Variants in CHST13 observed in about 807,000 individuals in gnomAD.
CHST13 encodes carbohydrate sulfotransferase 13.
CHST13 carries 1 observed loss-of-function variant against 7.0 expected under a neutral mutation model. The observed-to-expected ratio is 0.14, with a 90% CI of 0.05 to 0.68. The LOEUF is 0.68. Ranked by LOEUF, CHST13 falls within the 30% of genes least tolerant of loss-of-function variation. The probability of loss-of-function intolerance (pLI) is 0.82; values close to 1 mark genes in which losing one functional copy is unlikely to be tolerated. For missense variants in CHST13, 572 were observed against 507.9 expected, an observed-to-expected ratio of 1.13 and a Z score of -1.21; for synonymous variants, 257 against 240.9, an observed-to-expected ratio of 1.07 and a Z score of -0.62.
Position 126,541,867 on chromosome 3 carries a change from T to G in CHST13, c.315T>G (p.His105Gln), listed in dbSNP as rs780594261. 4 of 1,595,596 alleles carry G rather than the reference T, an allele frequency of 2.5e-6. No homozygotes were observed. Among genetic ancestry groups the G allele is most frequent in the Non-Finnish European group, 3.4e-6 (4 of 1,171,736 alleles). Reference sequence around the variant, plus strand: ...GGCACGTGCTGGTGGACGACGCGCATGGCCTGCTCTACTGCTACGTGCCCA... The same window carrying G: ...GGCACGTGCTGGTGGACGACGCGCAGGGCCTGCTCTACTGCTACGTGCCCA... ...DLRHVLVDDA[H>Q]GLLYCYVPKV... The change falls in exon 3 of 3, where the codon CAT becomes CAG. Residue 105 changes from histidine to glutamine, a missense_variant. By Grantham distance (24) the His-to-Gln change is conservative. Coordinates refer to ENST00000319340, the MANE Select transcript of CHST13 (RefSeq NM_152889.3).
chr3:126,542,490 C>G lies in CHST13; in HGVS notation c.938C>G (p.Pro313Arg). Residue 313 changes from proline (P) to arginine (R), a missense_variant, in exon 3 of 3, where the codon CCC becomes CGC. Physicochemically the swap from Pro to Arg is moderately radical, Grantham distance 103 (BLOSUM62 -2). Transcript: ENST00000319340. ...GCGCGCCTCTTCCGGGACATCAGCC[C>G]CTTCTACCAGCGGCGCCTCTTCGAC... ...LAARLFRDISPFYQRRLFDLY... is the reference protein window; with the variant it reads ...LAARLFRDISRFYQRRLFDLY... The G allele has an allele frequency of 1.3e-6, 2 of 1,582,846 alleles. No individual in the cohort carries two copies. The highest frequency in any genetic ancestry group is 1.7e-6 in the Non-Finnish European group (2 of 1,168,284).
chr3:126,541,224 G>A (rs2107573189), intron 2 of CHST13, among the ~76,000 whole-genome samples: 1 of 152,302 alleles, frequency 6.6e-6, no homozygotes, highest in African/African-American at 2.4e-5. Context: ...AGAATTTGCT[G>A]GGGGAATAAA....
chr3:126,528,643 AG>A (rs372699200), intron 1 of CHST13, among the ~76,000 whole-genome samples: 28 of 152,184 alleles, frequency 1.8e-4, no homozygotes, highest in East Asian at 1.4e-3. Context: ...GGAAGGTGGA[AG>A]TGGGGTCCGG....
rs1001936454 is a variant in CHST13 at position 126,542,634 on chromosome 3, G to A, written c.*56G>A. 3.3e-5 allele frequency: 47 copies of A among 1,413,348 alleles called. No individual in the cohort carries two copies. The highest frequency in any genetic ancestry group is 1.8e-4 in the East Asian group (6 of 34,134). The allele number at this position is 1,413,348 out of a possible 1,614,324, so 87.6% of individuals were successfully genotyped here. A position where few individuals can be genotyped will look rare whatever the true frequency, so the allele number is the denominator to read the frequency against. On this transcript the variant is annotated 3_prime_UTR_variant, in exon 3 of 3. Transcript: ENST00000319340. The stretch of plus-strand genomic sequence containing the variant: ...CAAGTGCCTTTCCGACAAGACCCCC[G>A]GGGAATGCAGGTGCTGCCGGCCCCA...
rs570611389 is a variant in CHST13, at chr3:126,534,989, C to T, written c.98-1282C>T. Among the ~76,000 whole-genome samples, 7 of 148,862 alleles carry T rather than the reference C, an allele frequency of 4.7e-5. No homozygotes were observed. The South Asian group carries it at 1.5e-3, about 32-fold the overall frequency. ...GACAGACCAGCATCCCTGTCCCCAG[C>T]CGGGAGACAGACAGACAGCATCCCT... On this transcript the variant is annotated intron_variant, in intron 1 of 2. Coordinates refer to ENST00000319340, the MANE Select transcript of CHST13 (RefSeq NM_152889.3).
At chr3:126,540,938 A>G (rs765448260) in intron 2 of CHST13, among the ~76,000 whole-genome samples, 3 of 152,202 alleles carry the variant, frequency 2.0e-5, no homozygotes. Flanking sequence ...ACTTTCTTTT[A>G]TGAACTCTTA....
At chr3:126,529,403 A>G in intron 1 of CHST13, 1 of 1,288,818 alleles carries the variant, frequency 7.8e-7, no homozygotes, top group Non-Finnish European at 1.0e-6. Context: ...GACAGGTGTC[A>G]GGACAAGGGG....
intron 1 of CHST13, among the ~76,000 whole-genome samples, chr3:126,528,499 T>C (rs1242606230): frequency 2.6e-5 from 4 of 151,388 alleles, no homozygotes; most frequent in Non-Finnish European, 1.5e-5. Flanking sequence ...CTGCAAGGAG[T>C]GAGAAGCCCT....
At chr3:126,525,633 G>A (rs555464478) in intron 1 of CHST13, among the ~76,000 whole-genome samples, 2 of 152,258 alleles carry the variant, frequency 1.3e-5, no homozygotes, top group East Asian at 3.9e-4. Context: ...TCTGTCCACC[G>A]AGTCATTCAG....
intron 1 of CHST13, among the ~76,000 whole-genome samples, chr3:126,525,785 C>T (rs1936526229): frequency 6.6e-6 from 1 of 152,168 alleles, no homozygotes; most frequent in Non-Finnish European, 1.5e-5. Flanking sequence ...CTTTGAGTGA[C>T]TGCATGGAGT....
chr3:126,541,349 GA>G (rs1936952891), intron 2 of CHST13, among the ~76,000 whole-genome samples: 1 of 152,190 alleles, frequency 6.6e-6, no homozygotes, highest in African/African-American at 2.4e-5. Context: ...ATTGGGTGTG[GA>G]ATTAAACAGC....
At chr3:126,537,251 G>A (rs1019543825) in intron 2 of CHST13, among the ~76,000 whole-genome samples, 3 of 152,248 alleles carry the variant, frequency 2.0e-5, no homozygotes, top group Admixed American at 6.5e-5. Context: ...AGGGCCAAGC[G>A]CCACAGGCAG....
intron 2 of CHST13, among the ~76,000 whole-genome samples, chr3:126,538,513 A>C (rs1873399): frequency 0.12 from 18,086 of 152,324 alleles, 1,776 homozygotes; most frequent in African/African-American, 0.27. Flanking sequence ...AGCTGAAGAT[A>C]TGGCTCCCTG....
intron 1 of CHST13, among the ~76,000 whole-genome samples, chr3:126,532,943 G>A (rs1163731527): frequency 2.0e-5 from 3 of 152,116 alleles, no homozygotes; most frequent in East Asian, 1.9e-4. Flanking sequence ...TTCTTTCAAC[G>A]ATGTCTCATG....
chr3:126,540,548 G>T (rs72982025), intron 2 of CHST13, among the ~76,000 whole-genome samples: 18,068 of 152,228 alleles, frequency 0.12, 1,773 homozygotes, highest in African/African-American at 0.27. Context: ...AGCCCATGTG[G>T]CAGCATGTGT....
Position 126,524,404 on chromosome 3 carries a change from C to T in CHST13, c.72C>T (p.Cys24=). The change falls in exon 1 of 3, where the codon TGC becomes TGT. Residue 24 remains cysteine (C), a synonymous_variant. Transcript: ENST00000319340. ...ACLGAALLLL[C]AAPRSLRPAF... is the part of the protein sequence containing the mutation. ...TGGGCGCCGCGCTCCTGCTCCTATG[C>T]GCCGCGCCCCGCTCCCTGCGCCCGG... The T allele has an allele frequency of 3.3e-6, 4 of 1,202,090 alleles. No homozygotes were observed. The highest frequency in any genetic ancestry group is 4.2e-6 in the Non-Finnish European group (4 of 961,472). The allele number at this position is 1,202,090 out of a possible 1,614,324, so 74.5% of individuals were successfully genotyped here. A position where few individuals can be genotyped will look rare whatever the true frequency, so the allele number is the denominator to read the frequency against.
rs143543606 is a variant in CHST13, at chr3:126,528,425, A to G, written c.97+3996A>G. Among the ~76,000 whole-genome samples the G allele has an allele frequency of 2.6e-5, 4 of 152,264 alleles. No individual in the cohort carries two copies. In the East Asian group the frequency reaches 5.8e-4, roughly 22 times the overall value. On this transcript the variant is annotated intron_variant, in intron 1 of 2. Transcript: ENST00000319340. ...CAGCAATAAAGAGTGCCGTGGCTGG[A>G]GCTGAGCAGTGAACCAGGAAGGGTG...
intron 2 of CHST13, among the ~76,000 whole-genome samples, chr3:126,536,896 A>AACACACACACACACAC (rs10670471): frequency 6.4e-5 from 9 of 140,400 alleles, no homozygotes; most frequent in African/African-American, 2.1e-4. Flanking sequence ...CACACACACA[A>AACACACACACACACAC]ACACACACAC....
chr3:126,524,210 C>T lies in CHST13; in HGVS notation c.-123C>T. ...GCTGGGGTCCAGCTGCCGTGCTCCC[C>T]TGCCCTGCGCCGCGCCGCGCGTCTT... On this transcript the variant is annotated 5_prime_UTR_variant, in exon 1 of 3. Transcript: ENST00000319340. 1 of 737,688 alleles carries T rather than the reference C, an allele frequency of 1.4e-6. No homozygotes were observed. Among genetic ancestry groups the T allele is most frequent in the Non-Finnish European group, 1.8e-6 (1 of 550,104 alleles). 45.7% of individuals were successfully genotyped at this position (737,688 alleles called of 1,614,324 possible). A position where few individuals can be genotyped will look rare whatever the true frequency, so the allele number is the denominator to read the frequency against.
Sources: allele counts gnomAD v4.1 joint callset (sites outside exome capture counted in the v4.1 genomes callset), GRCh38; gene constraint gnomAD v4.1.1; transcripts MANE v1.5; gene names NCBI Gene and HGNC (gene_info 2026-07-23, HGNC 2026-07-21).